SSH2: variants seen among roughly 807,000 people sequenced by gnomAD.
SSH2 encodes the protein slingshot protein phosphatase 2.
Under a neutral mutation model 135.2 loss-of-function variants are expected in SSH2, and 37 were observed. The observed-to-expected ratio is 0.27, with a 90% CI of 0.21 to 0.36. SSH2 has a LOEUF of 0.36. Ranked by LOEUF, SSH2 falls within the 10% of genes least tolerant of loss-of-function variation. SSH2 has a pLI of 1.00. For missense variants in SSH2, 1,408 were observed against 1,765.3 expected (o/e 0.80, Z 3.63); for synonymous variants, 628 against 646.2 (o/e 0.97, Z 0.43).
intron 3 of SSH2, among the ~76,000 whole-genome samples, chr17:29,732,043 G>A (rs561592247): frequency 1.3e-5 from 2 of 152,208 alleles, no homozygotes; most frequent in South Asian, 4.1e-4. Context: ...TCACAAAAGA[G>A]GGTAAAAGAC....
At chr17:29,743,130 C>G (rs1598918247) in intron 3 of SSH2, among the ~76,000 whole-genome samples, 1 of 152,030 alleles carries the variant, frequency 6.6e-6, no homozygotes, top group South Asian at 2.1e-4. Context: ...TGAGGTTTTA[C>G]TATGTTGGCC....
intron 1 of SSH2, among the ~76,000 whole-genome samples, chr17:29,904,524 G>A (rs971998354): frequency 6.6e-6 from 1 of 152,104 alleles, no homozygotes; most frequent in African/African-American, 2.4e-5. Flanking sequence ...AGCCATATAT[G>A]ACAAATCCAC....
chr17:29,687,878 T>G (rs2038290100), intron 5 of SSH2, among the ~76,000 whole-genome samples: 1 of 152,198 alleles, frequency 6.6e-6, no homozygotes, highest in African/African-American at 2.4e-5. Flanking sequence ...GGCAACTGAT[T>G]GGCTAAGTCA....
chr17:29,794,811 T>C (rs1042370759), intron 2 of SSH2, among the ~76,000 whole-genome samples: 20 of 152,234 alleles, frequency 1.3e-4, no homozygotes, highest in African/African-American at 4.8e-4. Context: ...CCCAGCTAGC[T>C]GAAAAAGCTT....
chr17:29,851,234 T>C (rs543028131), intron 1 of SSH2, among the ~76,000 whole-genome samples: 112 of 152,252 alleles, frequency 7.4e-4, no homozygotes, highest in African/African-American at 2.6e-3. Context: ...CAAGCTCTCA[T>C]ACTACAACAG....
At chr17:29,718,890 C>T (rs1254964839) in intron 3 of SSH2, among the ~76,000 whole-genome samples, 1 of 152,144 alleles carries the variant, frequency 6.6e-6, no homozygotes, top group African/African-American at 2.4e-5. Flanking sequence ...CCTGAGTGTC[C>T]TTATGACGTG....
At chr17:29,741,512 A>C (rs1431992118) in intron 3 of SSH2, among the ~76,000 whole-genome samples, 1 of 152,192 alleles carries the variant, frequency 6.6e-6, no homozygotes, top group Non-Finnish European at 1.5e-5. Flanking sequence ...TTAAAAGGAT[A>C]TGAAAGAAAT....
At chr17:29,710,440 T>C (rs1288378750) in intron 3 of SSH2, among the ~76,000 whole-genome samples, 1 of 152,246 alleles carries the variant, frequency 6.6e-6, no homozygotes, top group Non-Finnish European at 1.5e-5. Context: ...TAAATTCAAG[T>C]ACCACACATA....
At chr17:29,745,592 C>T (rs2040734838) in intron 3 of SSH2, among the ~76,000 whole-genome samples, 2 of 152,264 alleles carry the variant, frequency 1.3e-5, no homozygotes, top group East Asian at 1.9e-4. Flanking sequence ...ACTGAGTATC[C>T]TGTCTTCAGG....
chr17:29,634,229 G>C (rs552050266), intron 15 of SSH2, among the ~76,000 whole-genome samples: 1 of 152,292 alleles, frequency 6.6e-6, no homozygotes, highest in East Asian at 1.9e-4. Flanking sequence ...AGAACAAATC[G>C]TTAACGGACA....
intron 1 of SSH2, among the ~76,000 whole-genome samples, chr17:29,929,519 G>C (rs2067140649): frequency 1.3e-5 from 2 of 152,142 alleles, no homozygotes; most frequent in Non-Finnish European, 2.9e-5. Context: ...TGCAAATACT[G>C]AACAGGTCTA....
chr17:29,763,225 A>G (rs1427892898), intron 3 of SSH2, among the ~76,000 whole-genome samples: 1 of 152,204 alleles, frequency 6.6e-6, no homozygotes, highest in African/African-American at 2.4e-5. Flanking sequence ...AGAGTTATCT[A>G]AGTTTCTGAG....
intron 1 of SSH2, among the ~76,000 whole-genome samples, chr17:29,859,529 T>C (rs1344298729): frequency 6.6e-6 from 1 of 152,172 alleles, no homozygotes; most frequent in African/African-American, 2.4e-5. Flanking sequence ...CTCCCACTTA[T>C]AAGAACATGC....
chr17:29,841,980 CGCCTCA>C (rs1017399898), intron 2 of SSH2, among the ~76,000 whole-genome samples: 70 of 149,870 alleles, frequency 4.7e-4, no homozygotes, highest in Non-Finnish European at 3.0e-4. Flanking sequence ...GCGATCCTCC[CGCCTCA>C]GCCTCCCAAA....
intron 3 of SSH2, among the ~76,000 whole-genome samples, chr17:29,741,625 T>G (rs1457222799): frequency 1.7e-5 from 2 of 119,866 alleles, no homozygotes; most frequent in African/African-American, 6.0e-5. Context: ...TTTTTTTTTT[T>G]TTTTTTTGAG....
intron 2 of SSH2, among the ~76,000 whole-genome samples, chr17:29,846,840 C>T (rs2043140293): frequency 6.6e-6 from 1 of 152,100 alleles, no homozygotes; most frequent in Non-Finnish European, 1.5e-5. Flanking sequence ...CTACTATGAG[C>T]AATAAATATC....
intron 2 of SSH2, among the ~76,000 whole-genome samples, chr17:29,832,818 C>T (rs1254730288): frequency 1.3e-5 from 2 of 152,126 alleles, no homozygotes; most frequent in African/African-American, 4.8e-5. Context: ...AGGTGTGCAC[C>T]ACCACACCCA....
At chr17:29,847,845 C>T (rs991353748) in intron 2 of SSH2, among the ~76,000 whole-genome samples, 2 of 152,174 alleles carry the variant, frequency 1.3e-5, no homozygotes, top group Non-Finnish European at 2.9e-5. Flanking sequence ...AAGTTACTGC[C>T]CCTTTCCTAG....
At chr17:29,741,934 CTTTTTTTT>C (rs71138848) in intron 3 of SSH2, among the ~76,000 whole-genome samples, 1 of 97,910 alleles carries the variant, frequency 1.0e-5, no homozygotes, top group East Asian at 2.7e-4. Flanking sequence ...ATTTTTTTTT[CTTTTTTTT>C]TTTTTTTTTT....
Sources: gnomAD v4.1 joint callset for allele counts (sites outside exome capture counted in the v4.1 genomes callset) on GRCh38, gnomAD v4.1.1 for gene constraint, MANE v1.5 for transcripts, NCBI Gene and HGNC (gene_info 2026-07-23, HGNC 2026-07-21) for gene names.